ATAD2B: variants seen among roughly 807,000 people sequenced by gnomAD.
The protein encoded by ATAD2B is ATPase family AAA domain containing 2B.
A neutral mutation model predicts 167.6 loss-of-function variants in ATAD2B; 40 were observed. That is an observed-to-expected ratio of 0.24 (90% CI 0.19 to 0.31). ATAD2B has a LOEUF of 0.31. Ranked by LOEUF, ATAD2B falls within the 10% of genes least tolerant of loss-of-function variation. ATAD2B has a pLI of 1.00. For synonymous variants in ATAD2B, 579 were observed against 596.5 expected (o/e 0.97, Z 0.43); for missense variants, 1,242 against 1,757.2 (o/e 0.71, Z 5.24).
At chr2:23,706,407 C>G in the ATAD2B span, 37 of 1,213,552 alleles carry the variant, frequency 3.0e-5, no homozygotes, top group South Asian at 6.5e-4. Context: ...CAACAGGACA[C>G]GACGTTGAGA....
At position 23,865,434 on chromosome 2, in the gene ATAD2B, CAGG is replaced by C. The variant is rs748572614; in HGVS notation, c.1189-513_1189-511del. Among the ~76,000 whole-genome samples the C allele has an allele frequency of 1.5e-4, 23 of 150,468 alleles. No homozygotes were observed. In the East Asian group the frequency reaches 1.8e-3, roughly 11 times the overall value. On this transcript the variant is annotated intron_variant, in intron 10 of 27. Transcript: ENST00000238789. ...ATCCCAGCTACTTGGGAGGCTGAGG[CAGG>C]AGAATAGCTTGATCCTGGGAGGCGG...
intron 13 of ATAD2B, chr2:23,856,531 ACTC>A: frequency 3.9e-6 from 1 of 257,852 alleles, no homozygotes; most frequent in South Asian, 3.5e-5. Context: ...ATTAAGGAAT[ACTC>A]CTGGGGAGTG....
Position 23,907,275 on chromosome 2 carries a change from G to A in ATAD2B, c.217-11305C>T, listed in dbSNP as rs545788267. Among the ~76,000 whole-genome samples the A allele has an allele frequency of 3.9e-5, 6 of 152,118 alleles. No individual in the cohort carries two copies. In the South Asian group the frequency reaches 8.3e-4, roughly 21 times the overall value. On this transcript the variant is annotated intron_variant, in intron 1 of 27. Transcript: ENST00000238789. ...GATAAGCAACTTCAGCAAAGTCTCA[G>A]GATACAAAATCAATGTGCAAAAATC...
the ATAD2B span, among the ~76,000 whole-genome samples, chr2:23,700,536 A>T: frequency 6.6e-6 from 1 of 152,176 alleles, no homozygotes; most frequent in African/African-American, 2.4e-5. The surrounding 1 kb of genome is among the most constrained non-coding windows in gnomAD (Gnocchi z 4.6). Context: ...GAAATCAGCC[A>T]AGTGGGAGGA....
the ATAD2B span, chr2:23,706,720 C>A: frequency 2.3e-6 from 3 of 1,307,784 alleles, no homozygotes; most frequent in Non-Finnish European, 3.0e-6. Flanking sequence ...GCAAGTGCCA[C>A]GCAATGATAA....
the ATAD2B span, among the ~76,000 whole-genome samples, chr2:23,713,883 A>G: frequency 1.3e-5 from 2 of 152,224 alleles, no homozygotes; most frequent in African/African-American, 4.8e-5. Context: ...TATTATTAAT[A>G]ATGCTGCTAT....
the ATAD2B span, chr2:23,684,547 C>T: frequency 6.5e-7 from 1 of 1,542,868 alleles, no homozygotes; most frequent in Middle Eastern, 1.7e-4. The surrounding 1 kb of genome is among the most constrained non-coding windows in gnomAD (Gnocchi z 4.4). Context: ...GGTTTGCCTT[C>T]CTTCCAGCTG....
chr2:23,704,528 A>T, the ATAD2B span, among the ~76,000 whole-genome samples: 1 of 152,214 alleles, frequency 6.6e-6, no homozygotes, highest in South Asian at 2.1e-4. Flanking sequence ...GCACTTTGGG[A>T]GGCCGAGGCG....
chr2:23,753,787 G>A (rs1675629516), intron 27 of ATAD2B, among the ~76,000 whole-genome samples: 1 of 152,102 alleles, frequency 6.6e-6, no homozygotes, highest in South Asian at 2.1e-4. Context: ...TATATCAGCA[G>A]TGGCTACCTA....
At chr2:23,903,931 GGTT>G (rs1456914277) in intron 1 of ATAD2B, among the ~76,000 whole-genome samples, 3 of 149,004 alleles carry the variant, frequency 2.0e-5, no homozygotes, top group South Asian at 2.1e-4. Context: ...AAAAAGTGCC[GGTT>G]GTTGTTGGTG....
chr2:23,902,219 A>G (rs1451406338), intron 1 of ATAD2B, among the ~76,000 whole-genome samples: 3 of 152,146 alleles, frequency 2.0e-5, no homozygotes, highest in Non-Finnish European at 2.9e-5. Context: ...TACAAAGCAC[A>G]TCATCCTAAC....
chr2:23,770,378 G>A (rs1414445785), intron 22 of ATAD2B, among the ~76,000 whole-genome samples: 1 of 152,040 alleles, frequency 6.6e-6, no homozygotes, highest in Non-Finnish European at 1.5e-5. Flanking sequence ...ATCTTTTCAT[G>A]TGTGTATTTG....
intron 4 of ATAD2B, among the ~76,000 whole-genome samples, chr2:23,887,028 A>G (rs1698775207): frequency 2.0e-5 from 3 of 152,116 alleles, no homozygotes; most frequent in African/African-American, 7.2e-5. Context: ...CTGTAATCCC[A>G]GCACTTTGGG....
rs892950132 is a variant in ATAD2B, at chr2:23,817,552, T to C, written c.2267+2195A>G. ...CTGCTTTCACAGCACTTTCGCCATA[T>C]TGAAATGTTTGTCACCCCCAACCAT... On this transcript the variant is annotated intron_variant, in intron 17 of 27. Coordinates refer to ENST00000238789, the MANE Select transcript of ATAD2B (RefSeq NM_017552.4). 3.3e-5 allele frequency among the ~76,000 whole-genome samples: 5 copies of C among 152,188 alleles called. No homozygotes were observed. The South Asian group carries it at 6.2e-4, about 19-fold the overall frequency.
intron 7 of ATAD2B, among the ~76,000 whole-genome samples, chr2:23,877,067 C>CAAAAAA: frequency 9.2e-6 from 1 of 109,102 alleles, no homozygotes; most frequent in Middle Eastern, 4.7e-3. Context: ...AACTCCATCT[C>CAAAAAA]AAAAAAAAAA....
intron 18 of ATAD2B, among the ~76,000 whole-genome samples, chr2:23,801,792 T>C (rs1050485519): frequency 3.3e-5 from 5 of 152,054 alleles, no homozygotes; most frequent in African/African-American, 4.8e-5. Flanking sequence ...AATCAGGCCA[T>C]TGAAGTTAGA....
At chr2:23,787,357 T>C (rs574282462) in intron 20 of ATAD2B, among the ~76,000 whole-genome samples, 8 of 152,054 alleles carry the variant, frequency 5.3e-5, no homozygotes, top group African/African-American at 4.8e-5. Context: ...ATCGTAAACA[T>C]AGAAAATTCA....
chr2:23,703,571 C>T, the ATAD2B span: 2 of 1,121,406 alleles, frequency 1.8e-6, no homozygotes, highest in South Asian at 1.7e-5. Flanking sequence ...GCTCCAGGTT[C>T]CCCTAGGCCC....
At chr2:23,794,008 T>A (rs1682218892) in intron 19 of ATAD2B, among the ~76,000 whole-genome samples, 1 of 152,008 alleles carries the variant, frequency 6.6e-6, no homozygotes, top group Non-Finnish European at 1.5e-5. Flanking sequence ...GCGAGAAAAG[T>A]GGCACTGTTT....
Sources: allele counts gnomAD v4.1 joint callset (sites outside exome capture counted in the v4.1 genomes callset), GRCh38; gene constraint gnomAD v4.1.1; non-coding constraint Gnocchi (gnomAD v3.1); transcripts MANE v1.5; gene names NCBI Gene and HGNC (gene_info 2026-07-23, HGNC 2026-07-21).